The following PCDHA13 variants were observed in gnomAD, a reference collection of about 807,000 sequenced individuals.
PCDHA13 encodes the protein protocadherin alpha-13.
In PCDHA13, 54 loss-of-function variants were observed where a neutral mutation model predicts 64.8. That is an observed-to-expected ratio of 0.83 (90% CI 0.67 to 1.04). The LOEUF is 1.04. PCDHA13 is among the 50% of genes least tolerant of loss of function. PCDHA13 has a pLI of 0.00. For missense variants in PCDHA13, 1,248 were observed against 1,254.3 expected (o/e 0.99, Z 0.08); for synonymous variants, 587 against 564.4 (o/e 1.04, Z -0.57).
chr5:140,925,330 A>G (rs1459062876), intron 1 of PCDHA13, among the ~76,000 whole-genome samples: 2 of 152,132 alleles, frequency 1.3e-5, no homozygotes, highest in African/African-American at 4.8e-5. Context: ...CCTGTATTAA[A>G]AGAAGGATTT....
In PCDHA13 at chr5:140,920,604, G is replaced by A. The variant is rs182788075; in HGVS notation, c.2394+35942G>A. 4.8e-4 allele frequency among the ~76,000 whole-genome samples: 73 copies of A among 152,238 alleles called. No homozygotes were observed. In the East Asian group the frequency reaches 0.011, roughly 22 times the overall value. On this transcript the variant is annotated intron_variant, in intron 1 of 3. Transcript: ENST00000289272. ...CTCACGCCTGTAATCCCAGCACTTT[G>A]GGAGGCCGAGGCGGATGGATCACAA...
intron 1 of PCDHA13, among the ~76,000 whole-genome samples, chr5:140,976,335 G>T (rs1554237529): frequency 6.6e-6 from 1 of 152,140 alleles, no homozygotes; most frequent in East Asian, 1.9e-4. Flanking sequence ...TGGATTGCCT[G>T]AGGTCAGGTG....
intron 1 of PCDHA13, among the ~76,000 whole-genome samples, chr5:140,978,488 C>A (rs1453613410): frequency 6.6e-6 from 1 of 152,224 alleles, no homozygotes; most frequent in African/African-American, 2.4e-5. Context: ...TCTGCAAAGC[C>A]AGCAGCAGAT....
At chr5:140,918,694 T>C (rs1260893633) in intron 1 of PCDHA13, among the ~76,000 whole-genome samples, 2 of 152,186 alleles carry the variant, frequency 1.3e-5, no homozygotes, top group Non-Finnish European at 2.9e-5. Flanking sequence ...CAAACATAAT[T>C]AAGTCATGAG....
intron 1 of PCDHA13, among the ~76,000 whole-genome samples, chr5:140,971,500 T>C (rs2096483313): frequency 1.3e-5 from 2 of 152,136 alleles, no homozygotes; most frequent in Admixed American, 1.3e-4. Context: ...TGTGGCAAGA[T>C]AGGAGCAAAA....
chr5:140,961,728 A>G (rs2095632104), intron 1 of PCDHA13, among the ~76,000 whole-genome samples: 1 of 152,192 alleles, frequency 6.6e-6, no homozygotes, highest in East Asian at 1.9e-4. Context: ...GCTCATAAAC[A>G]ATCACTTTAG....
intron 1 of PCDHA13, among the ~76,000 whole-genome samples, chr5:140,891,857 C>G (rs1202628035): frequency 6.6e-6 from 1 of 152,194 alleles, no homozygotes; most frequent in Non-Finnish European, 1.5e-5. Context: ...GCCTGTCCCT[C>G]TCTTATGCTT....
intron 1 of PCDHA13, among the ~76,000 whole-genome samples, chr5:140,975,492 A>G (rs2153807380): frequency 6.6e-6 from 1 of 152,332 alleles, no homozygotes; most frequent in South Asian, 2.1e-4. Flanking sequence ...ATCAATGTTC[A>G]TAAAATAGCA....
chr5:140,994,772 G>C (rs2097648880), intron 3 of PCDHA13, among the ~76,000 whole-genome samples: 2 of 152,118 alleles, frequency 1.3e-5, no homozygotes, highest in Non-Finnish European at 1.5e-5. Context: ...GAGAATTCCA[G>C]GCAAAGGAAA....
intron 1 of PCDHA13, among the ~76,000 whole-genome samples, chr5:140,904,827 T>A (rs1554191731): frequency 2.0e-5 from 3 of 152,064 alleles, no homozygotes; most frequent in African/African-American, 7.2e-5. Context: ...AGCATTTTTT[T>A]ATATGTTTCA....
intron 1 of PCDHA13, among the ~76,000 whole-genome samples, chr5:140,974,524 T>C (rs976398044): frequency 5.9e-5 from 9 of 152,210 alleles, no homozygotes; most frequent in African/African-American, 9.7e-5. Flanking sequence ...TATTTTAGTT[T>C]TTTTGAGACG....
At chr5:140,967,060 G>T in intron 1 of PCDHA13, 1 of 1,612,802 alleles carries the variant, frequency 6.2e-7, no homozygotes, top group Non-Finnish European at 8.5e-7. Flanking sequence ...CGAGTGGAGC[G>T]CTCTTCGTCA....
rs143656335 is a variant in PCDHA13, at chr5:140,968,986, A to G, written c.2395-9963A>G. 244 of 1,614,206 alleles carry G rather than the reference A, an allele frequency of 1.5e-4. No individual in the cohort carries two copies. In the African/African-American group the frequency reaches 3.0e-3, roughly 20 times the overall value. On this transcript the variant is annotated intron_variant, in intron 1 of 3. Transcript: ENST00000289272. ...ACCGCTACACTGCGTATGGCACTGC[A>G]TGCTGTGGAGGCTTCTGTGGAGTAA...
At chr5:140,947,436 G>C (rs269551) in intron 1 of PCDHA13, among the ~76,000 whole-genome samples, 37,364 of 151,424 alleles carry the variant, frequency 0.25, 5,790 homozygotes, top group African/African-American at 0.44. Flanking sequence ...TTGAAAATCA[G>C]CTGTGAAATC....
chr5:140,967,985 A>G, intron 1 of PCDHA13: 3 of 1,614,218 alleles, frequency 1.9e-6, no homozygotes, highest in East Asian at 4.5e-5. Flanking sequence ...TCTGGAGGCC[A>G]CACTGCCTTT....
At chr5:140,911,283 A>G (rs906069835) in intron 1 of PCDHA13, among the ~76,000 whole-genome samples, 1 of 152,278 alleles carries the variant, frequency 6.6e-6, no homozygotes, top group Non-Finnish European at 1.5e-5. Context: ...CAGCTTCATC[A>G]GGGTCCTTTT....
chr5:140,979,898 G>A (rs1253481087), intron 2 of PCDHA13, among the ~76,000 whole-genome samples: 2 of 152,212 alleles, frequency 1.3e-5, no homozygotes, highest in Non-Finnish European at 1.5e-5. Context: ...ACCAAACTTA[G>A]ATCAGTTCGT....
intron 3 of PCDHA13, among the ~76,000 whole-genome samples, chr5:141,007,687 C>T (rs1434828672): frequency 1.3e-5 from 2 of 152,200 alleles, no homozygotes; most frequent in Non-Finnish European, 2.9e-5. Flanking sequence ...TATCCTACTT[C>T]CACCTCCCTC....
intron 1 of PCDHA13, chr5:140,967,025 C>A: frequency 1.2e-6 from 2 of 1,608,362 alleles, no homozygotes; most frequent in Non-Finnish European, 8.5e-7. Flanking sequence ...TGCGCCCAGT[C>A]CGCGCTACCT....
Sources: gnomAD v4.1 joint callset for allele counts (sites outside exome capture counted in the v4.1 genomes callset) on GRCh38, gnomAD v4.1.1 for gene constraint, MANE v1.5 for transcripts, NCBI Gene and HGNC (gene_info 2026-07-23, HGNC 2026-07-21) for gene names.